Variants in PIGF observed in about 807,000 individuals in gnomAD.
PIGF encodes the protein GPI ethanolamine phosphate transferase, stabilizing subunit.
In PIGF, 23 loss-of-function variants were observed where a neutral mutation model predicts 26.0. That is an observed-to-expected ratio of 0.88 (90% CI 0.64 to 1.25). The LOEUF (loss-of-function observed/expected upper bound fraction) is 1.25, where lower values mean the gene tolerates loss of function less well. PIGF is among the 50% of genes most tolerant of loss of function. PIGF has a pLI of 0.00. For missense variants in PIGF, 278 were observed against 249.9 expected, an observed-to-expected ratio of 1.11 and a Z score of -0.76; for synonymous variants, 93 against 92.6, an observed-to-expected ratio of 1.00 and a Z score of -0.03.
At chr2:46,583,475 T>C (rs1669470366) in intron 5 of PIGF, among the ~76,000 whole-genome samples, 1 of 152,160 alleles carries the variant, frequency 6.6e-6, no homozygotes, top group African/African-American at 2.4e-5. Context: ...TAAGCAAAGA[T>C]GACTGTCACA....
In PIGF at chr2:46,612,355, A is replaced by G; in HGVS notation, c.321-11T>C. ...GTTTCCAATGCCAACCTAGAAAAAA[A>G]AAAAGATTACTTTTTAAAAAAGTGT... On this transcript the variant is annotated splice_polypyrimidine_tract_variant and intron_variant, in intron 3 of 5. Coordinates refer to ENST00000281382, the MANE Select transcript of PIGF (RefSeq NM_002643.4). The G allele has an allele frequency of 3.9e-6, 4 of 1,026,390 alleles. No homozygotes were observed. Among genetic ancestry groups the G allele is most frequent in the Non-Finnish European group, 4.3e-6 (3 of 702,138 alleles). 63.6% of individuals were successfully genotyped at this position (1,026,390 alleles called of 1,614,324 possible). A position where few individuals can be genotyped will look rare whatever the true frequency, so the allele number is the denominator to read the frequency against.
At position 46,589,554 on chromosome 2, in the gene PIGF, G is replaced by A. The variant is rs1438830987; in HGVS notation, c.546+2921C>T. On this transcript the variant is annotated intron_variant, in intron 5 of 5. Transcript: ENST00000281382. The surrounding 1 kb of genome is among the most constrained non-coding windows in gnomAD (Gnocchi z 4.7). ...TACAATTGCTTAACCAGATATTCCT[G>A]TTTCTCTGACTGGAATATAAATAAA... 6.6e-6 allele frequency among the ~76,000 whole-genome samples: 1 copy of A among 151,702 alleles called. No individual in the cohort carries two copies. The highest frequency in any genetic ancestry group is 1.5e-5 in the Non-Finnish European group (1 of 67,860).
At chr2:46,591,147 T>C (rs1261045201) in intron 5 of PIGF, among the ~76,000 whole-genome samples, 2 of 152,178 alleles carry the variant, frequency 1.3e-5, no homozygotes, top group Non-Finnish European at 2.9e-5. Flanking sequence ...AAATAGGAAA[T>C]GACCTAAATG....
At chr2:46,610,895 C>A (rs771790851) in intron 4 of PIGF, among the ~76,000 whole-genome samples, 2 of 152,202 alleles carry the variant, frequency 1.3e-5, no homozygotes, top group Non-Finnish European at 2.9e-5. Flanking sequence ...CAGCATGCAT[C>A]TTTTGCTCTC....
intron 5 of PIGF, among the ~76,000 whole-genome samples, chr2:46,590,547 C>T (rs1475612059): frequency 1.3e-5 from 2 of 151,642 alleles, no homozygotes; most frequent in Non-Finnish European, 2.9e-5. Context: ...TTATATCTTA[C>T]CAACTCATTA....
At chr2:46,597,516 G>C (rs921034607) in intron 4 of PIGF, among the ~76,000 whole-genome samples, 1 of 151,914 alleles carries the variant, frequency 6.6e-6, no homozygotes, top group African/African-American at 2.4e-5. Context: ...GGGCTCAAGC[G>C]ATTCTCCTGC....
chr2:46,584,371 A>C (rs574529803), intron 5 of PIGF, among the ~76,000 whole-genome samples: 18 of 152,324 alleles, frequency 1.2e-4, no homozygotes, highest in Non-Finnish European at 2.6e-4. Flanking sequence ...TGTTAAAAAA[A>C]GCTCACTGTT....
intron 5 of PIGF, among the ~76,000 whole-genome samples, chr2:46,587,615 T>A (rs953449397): frequency 6.6e-6 from 1 of 152,194 alleles, no homozygotes; most frequent in Non-Finnish European, 1.5e-5. Flanking sequence ...TCAATTTTCC[T>A]TTTTACCTTC....
At position 46,592,593 on chromosome 2, in the gene PIGF, A is replaced by G. The variant is rs1442478629; in HGVS notation, c.438-10T>C. ...CCATATGGATGTAACTCTGTGAAACACAAATTGGTACATCGTTGGTGGTAT... is the reference window on the plus strand; with the variant it reads ...CCATATGGATGTAACTCTGTGAAACGCAAATTGGTACATCGTTGGTGGTAT... On this transcript the variant is annotated splice_polypyrimidine_tract_variant and intron_variant, in intron 4 of 5. Transcript: ENST00000281382. 6.7e-6 allele frequency: 9 copies of G among 1,350,106 alleles called. No homozygotes were observed. The highest frequency in any genetic ancestry group is 9.6e-6 in the Non-Finnish European group (9 of 938,512). The allele number at this position is 1,350,106 out of a possible 1,614,324, so 83.6% of individuals were successfully genotyped here.
At position 46,581,115 on chromosome 2, in the gene PIGF, A is replaced by G; in HGVS notation, c.*363T>C. On this transcript the variant is annotated 3_prime_UTR_variant, in exon 6 of 6. Coordinates refer to ENST00000281382, the MANE Select transcript of PIGF (RefSeq NM_002643.4). ...TCTTCAGTGGCCAAGGAAACTGTCC[A>G]TTTCTCTCAGAAAGCAAATGAAATG... The G allele has an allele frequency of 1.4e-6, 2 of 1,444,258 alleles. No homozygotes were observed. Among genetic ancestry groups the G allele is most frequent in the Non-Finnish European group, 1.9e-6 (2 of 1,077,566 alleles). 89.5% of individuals were successfully genotyped at this position (1,444,258 alleles called of 1,614,324 possible). A position where few individuals can be genotyped will look rare whatever the true frequency, so the allele number is the denominator to read the frequency against.
chr2:46,580,942 C>T lies in PIGF; in HGVS notation c.*536G>A, dbSNP rs1558695599. On this transcript the variant is annotated 3_prime_UTR_variant, in exon 6 of 6. Coordinates refer to ENST00000281382, the MANE Select transcript of PIGF (RefSeq NM_002643.4). ...CTCCCTCCCAGATAGGAGCATGCTG[C>T]TATGTGGAATGTTCAGCTTTAACCC... 3 of 1,518,588 alleles carry T rather than the reference C, an allele frequency of 2.0e-6. No homozygotes were observed. Among genetic ancestry groups the T allele is most frequent in the East Asian group, 2.4e-5 (1 of 41,690 alleles). 94.1% of individuals were successfully genotyped at this position (1,518,588 alleles called of 1,614,324 possible).
Position 46,615,179 on chromosome 2 carries a change from T to C in PIGF, c.-15A>G. On this transcript the variant is annotated 5_prime_UTR_variant, in exon 2 of 6. Transcript: ENST00000281382. ...TTATCTTTCATGGTGTTTTCTTGGA[T>C]GGCTAGCTAACAAAAAACAAGAAAA... 4.8e-6 allele frequency: 6 copies of C among 1,243,702 alleles called. No individual in the cohort carries two copies. Among genetic ancestry groups the C allele is most frequent in the African/African-American group, 1.5e-5 (1 of 67,480 alleles). The allele number at this position is 1,243,702 out of a possible 1,614,324, so 77.0% of individuals were successfully genotyped here. A position where few individuals can be genotyped will look rare whatever the true frequency, so the allele number is the denominator to read the frequency against.
chr2:46,592,333 C>T (rs1669746915), intron 5 of PIGF, 142 bp downstream of exon 5: 1 of 617,672 alleles, frequency 1.6e-6, no homozygotes, highest in Non-Finnish European at 2.9e-6. Context: ...AAGAAGCTGC[C>T]CAGATTACAG....
intron 5 of PIGF, chr2:46,582,965 A>G (rs1039440059): frequency 6.6e-6 from 1 of 152,202 alleles, no homozygotes; most frequent in Non-Finnish European, 1.5e-5. Flanking sequence ...TGTATGCTCA[A>G]ATGGAATCTT....
rs944356898 is a variant in PIGF, at chr2:46,588,871, C to T, written c.546+3604G>A. ...TGTACTTACTTACACAGAACATATG[C>T]TATGCATACAGTAATAACAACAAAT... is the stretch of plus-strand genomic sequence containing the variant. On this transcript the variant is annotated intron_variant, in intron 5 of 5. Coordinates refer to ENST00000281382, the MANE Select transcript of PIGF (RefSeq NM_002643.4). This position sits in a 1 kb window ranked among gnomAD's most constrained non-coding sequence, Gnocchi z 4.1. 6.6e-6 allele frequency among the ~76,000 whole-genome samples: 1 copy of T among 152,156 alleles called. No homozygotes were observed. Among genetic ancestry groups the T allele is most frequent in the East Asian group, 1.9e-4 (1 of 5,182 alleles).
chr2:46,587,535 T>C (rs1056427588), intron 5 of PIGF, among the ~76,000 whole-genome samples: 2 of 152,150 alleles, frequency 1.3e-5, no homozygotes, highest in Admixed American at 6.5e-5. Flanking sequence ...CAACTTTAAA[T>C]TGTTTCAAAG....
chr2:46,610,785 C>T (rs943462863), intron 4 of PIGF, among the ~76,000 whole-genome samples: 4 of 152,094 alleles, frequency 2.6e-5, no homozygotes, highest in African/African-American at 9.7e-5. Flanking sequence ...CCGCCTTGGC[C>T]TCCCAAAGTG....
At chr2:46,584,147 A>T (rs1053475503) in intron 5 of PIGF, among the ~76,000 whole-genome samples, 4 of 152,178 alleles carry the variant, frequency 2.6e-5, no homozygotes, top group African/African-American at 9.6e-5. Flanking sequence ...GTTGGTTGTT[A>T]CTTTTAAATG....
intron 1 of PIGF, chr2:46,615,636 C>T (rs779244962): frequency 6.4e-6 from 1 of 156,878 alleles, no homozygotes; most frequent in Non-Finnish European, 1.4e-5. Flanking sequence ...TATACTTAGG[C>T]TGAATTGTTG....
Sources: allele counts gnomAD v4.1 joint callset (sites outside exome capture counted in the v4.1 genomes callset), GRCh38; gene constraint gnomAD v4.1.1; non-coding constraint Gnocchi (gnomAD v3.1); transcripts MANE v1.5; gene names NCBI Gene and HGNC (gene_info 2026-07-23, HGNC 2026-07-21).